Variants in RNLS observed in about 807,000 individuals in gnomAD.
The protein encoded by RNLS is renalase, FAD dependent amine oxidase, also known as renalase.
In RNLS, 39 loss-of-function variants were observed where a neutral mutation model predicts 39.8. The observed-to-expected ratio is 0.98, with a 90% confidence interval of 0.76 to 1.28. RNLS has a LOEUF of 1.28. Among genes scored for constraint, RNLS ranks in the 50% most tolerant of loss-of-function variants. The pLI, the probability that RNLS is intolerant of heterozygous loss-of-function variation, is 0.00. For missense variants in RNLS, 410 were observed against 413.3 expected (o/e 0.99, Z 0.07); for synonymous variants, 147 against 150.7 (o/e 0.98, Z 0.18).
At chr10:88,462,798 A>G (rs1425789415) in intron 4 of RNLS, among the ~76,000 whole-genome samples, 1 of 150,012 alleles carries the variant, frequency 6.7e-6, no homozygotes, top group Non-Finnish European at 1.5e-5. Flanking sequence ...AATTCACTCA[A>G]AGTAAATGAA....
chr10:88,503,388 A>G (rs1398446215), intron 4 of RNLS, among the ~76,000 whole-genome samples: 1 of 152,200 alleles, frequency 6.6e-6, no homozygotes, highest in Non-Finnish European at 1.5e-5. Context: ...CAAAAATAGA[A>G]AACAGAAATA....
chr10:88,579,677 T>C (rs908516121), intron 3 of RNLS, among the ~76,000 whole-genome samples: 1 of 152,178 alleles, frequency 6.6e-6, no homozygotes, highest in South Asian at 2.1e-4. Flanking sequence ...TGAGATTTTT[T>C]AAAGTGATAT....
At chr10:88,289,545 A>G (rs1843523839) in intron 6 of RNLS, among the ~76,000 whole-genome samples, 1 of 152,014 alleles carries the variant, frequency 6.6e-6, no homozygotes, top group Non-Finnish European at 1.5e-5. Flanking sequence ...TGTTATTTCT[A>G]TCTATTATAT....
At chr10:88,216,493 A>C in the RNLS span, among the ~76,000 whole-genome samples, 1 of 152,234 alleles carries the variant, frequency 6.6e-6, no homozygotes, top group Non-Finnish European at 1.5e-5. Context: ...ATAATCTATC[A>C]GCTTTCAAAC....
At chr10:88,449,001 C>A (rs1028727084) in intron 4 of RNLS, among the ~76,000 whole-genome samples, 4 of 152,008 alleles carry the variant, frequency 2.6e-5, no homozygotes, top group Admixed American at 1.3e-4. Flanking sequence ...GCCTGTTGTG[C>A]AGTGCGGGGA....
chr10:88,318,033 G>A (rs187052061), intron 5 of RNLS, among the ~76,000 whole-genome samples: 14 of 152,264 alleles, frequency 9.2e-5, no homozygotes, highest in South Asian at 8.3e-4. Flanking sequence ...AGAACCAGGT[G>A]GCCAGCTCAT....
chr10:88,552,806 C>A (rs1259362137), intron 4 of RNLS, among the ~76,000 whole-genome samples: 1 of 152,050 alleles, frequency 6.6e-6, no homozygotes, highest in Non-Finnish European at 1.5e-5. Context: ...TGGAAAAAAT[C>A]TACATGAAAG....
At chr10:88,429,272 C>T (rs956214548) in intron 4 of RNLS, among the ~76,000 whole-genome samples, 3 of 151,910 alleles carry the variant, frequency 2.0e-5, no homozygotes, top group Non-Finnish European at 4.4e-5. Flanking sequence ...ACAACATCCT[C>T]TTTACAAAGC....
rs550203061 is a variant in RNLS at position 88,582,209 on chromosome 10, G to A, written c.217C>T (p.His73Tyr). ...TCCTTGCAACTAACTCACCGTTGGT[G>A]TTTTTTGGCATAATGAGGAGTGCAG... ...ITCTPHYAKK[H>Y]QRFYDELLAY... The change falls in exon 2 of 7, where the codon CAC becomes TAC. Residue 73 changes from histidine (H) to tyrosine (Y), a missense_variant. Transcript: ENST00000331772. 6.2e-7 allele frequency: 1 copy of A among 1,612,842 alleles called. No homozygotes were observed. The highest frequency in any genetic ancestry group is 1.3e-5 in the African/African-American group (1 of 75,022).
At chr10:88,302,437 C>T (rs1304078265) in intron 6 of RNLS, among the ~76,000 whole-genome samples, 2 of 152,176 alleles carry the variant, frequency 1.3e-5, no homozygotes, top group Non-Finnish European at 2.9e-5. Context: ...TGGCCAATGT[C>T]TTTGAAGGTT....
At chr10:88,387,258 C>A (rs998724145) in intron 4 of RNLS, among the ~76,000 whole-genome samples, 1 of 152,034 alleles carries the variant, frequency 6.6e-6, no homozygotes, top group African/African-American at 2.4e-5. Context: ...CAGAGAGAGA[C>A]AGAGAATGAA....
chr10:88,582,342 T>C (rs1850638152), intron 1 of RNLS, 35 bp from the exon 2 acceptor site: 1 of 1,546,948 alleles, frequency 6.5e-7, no homozygotes, highest in South Asian at 1.1e-5. Flanking sequence ...TCTTACTGCA[T>C]GACAATGAGC....
At chr10:88,360,096 T>C (rs532345123) in intron 5 of RNLS, among the ~76,000 whole-genome samples, 1 of 152,368 alleles carries the variant, frequency 6.6e-6, no homozygotes, top group East Asian at 1.9e-4. Flanking sequence ...ATGACTCTTT[T>C]TATGTGACAA....
chr10:88,466,419 A>G (rs1480798247), intron 4 of RNLS, among the ~76,000 whole-genome samples: 1 of 152,098 alleles, frequency 6.6e-6, no homozygotes, highest in Non-Finnish European at 1.5e-5. Flanking sequence ...TCTGTCTCAC[A>G]AAATGAAAAT....
intron 4 of RNLS, among the ~76,000 whole-genome samples, chr10:88,554,684 C>T (rs975121490): frequency 2.0e-5 from 3 of 151,960 alleles, no homozygotes; most frequent in African/African-American, 7.3e-5. Flanking sequence ...GTGCTCTGCC[C>T]TCCTTTGTGT....
At chr10:88,383,307 A>ATAGTT (rs1321385030) in intron 4 of RNLS, among the ~76,000 whole-genome samples, 3 of 152,254 alleles carry the variant, frequency 2.0e-5, no homozygotes, top group African/African-American at 7.2e-5. Context: ...TGAATACTGA[A>ATAGTT]TAGTTTTGGA....
At chr10:88,548,710 T>C (rs1444076983) in intron 4 of RNLS, among the ~76,000 whole-genome samples, 1 of 148,058 alleles carries the variant, frequency 6.8e-6, no homozygotes, top group African/African-American at 2.5e-5. Flanking sequence ...TTATATTTAA[T>C]ACATATATAT....
At chr10:88,324,256 C>A (rs897347257) in intron 5 of RNLS, among the ~76,000 whole-genome samples, 1 of 151,892 alleles carries the variant, frequency 6.6e-6, no homozygotes, top group African/African-American at 2.4e-5. Context: ...AAAAAAAAAT[C>A]ATTTTATCAA....
At chr10:88,259,435 G>A in the RNLS span, 1 of 152,186 alleles carries the variant, frequency 6.6e-6, no homozygotes, top group Non-Finnish European at 1.5e-5. Flanking sequence ...AATTTAAGTG[G>A]ACATTATGTG....
Sources: allele counts gnomAD v4.1 joint callset (sites outside exome capture counted in the v4.1 genomes callset), GRCh38; gene constraint gnomAD v4.1.1; transcripts MANE v1.5; gene names NCBI Gene and HGNC (gene_info 2026-07-23, HGNC 2026-07-21).